The following MCTP1 variants were observed in gnomAD, a reference collection of about 807,000 sequenced individuals.
MCTP1 encodes the protein multiple C2 and transmembrane domain-containing protein 1.
In MCTP1, 69 loss-of-function variants were observed where a neutral mutation model predicts 120.6. The ratio of observed to expected loss-of-function variants is 0.57; its 90% confidence interval spans 0.47 to 0.70. The LOEUF (loss-of-function observed/expected upper bound fraction) is 0.70. Ranked by LOEUF, MCTP1 falls within the 30% of genes least tolerant of loss-of-function variation. The pLI is 0.00. For missense variants in MCTP1, 1,203 were observed against 1,248.8 expected (o/e 0.96, Z 0.55); for synonymous variants, 529 against 493.1 (o/e 1.07, Z -0.96).
At chr5:95,276,523 C>G (rs906419543) in intron 1 of MCTP1, among the ~76,000 whole-genome samples, 7 of 151,080 alleles carry the variant, frequency 4.6e-5, no homozygotes, top group African/African-American at 1.7e-4. Flanking sequence ...TCCCAAAGTG[C>G]TGGGATTACA....
At chr5:94,948,499 T>C (rs1274163381) in intron 3 of MCTP1, among the ~76,000 whole-genome samples, 3 of 152,206 alleles carry the variant, frequency 2.0e-5, no homozygotes, top group Non-Finnish European at 4.4e-5. Context: ...TCTTGATTCA[T>C]GCATTTAGGA....
chr5:95,216,280 G>C (rs1562246899), intron 1 of MCTP1, among the ~76,000 whole-genome samples: 1 of 152,128 alleles, frequency 6.6e-6, no homozygotes. Context: ...GCTTGTGCTG[G>C]CAGAATTGGA....
chr5:94,775,891 G>A (rs1775183166), intron 19 of MCTP1, among the ~76,000 whole-genome samples: 1 of 148,808 alleles, frequency 6.7e-6, no homozygotes, highest in Non-Finnish European at 1.5e-5. Flanking sequence ...ATAATGATTA[G>A]CTCTTTGAAT....
At chr5:95,167,859 T>C (rs1161747155) in intron 1 of MCTP1, among the ~76,000 whole-genome samples, 2 of 152,236 alleles carry the variant, frequency 1.3e-5, no homozygotes, top group African/African-American at 4.8e-5. Flanking sequence ...CTGTTCACTC[T>C]GATGGTAGTT....
chr5:95,142,460 G>A (rs1226280702), intron 1 of MCTP1, among the ~76,000 whole-genome samples: 2 of 152,112 alleles, frequency 1.3e-5, no homozygotes, highest in African/African-American at 2.4e-5. Context: ...TTTCAGTTTA[G>A]GCCCTATGTC....
chr5:95,151,281 G>A (rs1465347885), intron 1 of MCTP1, among the ~76,000 whole-genome samples: 1 of 151,222 alleles, frequency 6.6e-6, no homozygotes, highest in African/African-American at 2.4e-5. Context: ...ACCACACCCG[G>A]CCAGAAAATA....
intron 20 of MCTP1, among the ~76,000 whole-genome samples, chr5:94,711,239 A>G (rs1025253794): frequency 2.6e-5 from 4 of 152,162 alleles, no homozygotes; most frequent in Non-Finnish European, 4.4e-5. Context: ...TTATTTTTCT[A>G]CTGCTAAGAC....
intron 10 of MCTP1, among the ~76,000 whole-genome samples, chr5:94,905,133 C>T (rs1466619656): frequency 1.3e-5 from 2 of 151,854 alleles, no homozygotes; most frequent in Non-Finnish European, 2.9e-5. Context: ...TGAGTGGATC[C>T]CTGAAGAAAG....
intron 17 of MCTP1, among the ~76,000 whole-genome samples, chr5:94,864,036 G>GA (rs1000041958): frequency 2.6e-5 from 4 of 151,664 alleles, no homozygotes; most frequent in East Asian, 3.9e-4. Flanking sequence ...AAAGGACCCA[G>GA]AAAAAAACAA....
At chr5:95,058,026 A>C (rs1019431215) in intron 1 of MCTP1, among the ~76,000 whole-genome samples, 3 of 152,202 alleles carry the variant, frequency 2.0e-5, no homozygotes, top group Non-Finnish European at 2.9e-5. Context: ...ACAACAACAA[A>C]AAACCTAACC....
chr5:95,094,619 T>A (rs1210380761), intron 1 of MCTP1, among the ~76,000 whole-genome samples: 1 of 152,212 alleles, frequency 6.6e-6, no homozygotes, highest in Non-Finnish European at 1.5e-5. Flanking sequence ...CACCTTTGAC[T>A]AAGGAAATAT....
chr5:94,797,190 A>G (rs1044590477), intron 18 of MCTP1, among the ~76,000 whole-genome samples: 5 of 152,222 alleles, frequency 3.3e-5, no homozygotes, highest in African/African-American at 1.2e-4. Flanking sequence ...GTTTCCAACC[A>G]AGCCAGGTAT....
intron 20 of MCTP1, among the ~76,000 whole-genome samples, chr5:94,713,314 T>C (rs1268634939): frequency 6.6e-6 from 1 of 152,096 alleles, no homozygotes; most frequent in Non-Finnish European, 1.5e-5. Context: ...CATAGGAAGT[T>C]CTACAAAACC....
intron 2 of MCTP1, among the ~76,000 whole-genome samples, chr5:94,959,585 G>C (rs1021243045): frequency 6.6e-6 from 1 of 152,028 alleles, no homozygotes; most frequent in African/African-American, 2.4e-5. Context: ...AGGATACAAA[G>C]TCAATGTGCA....
intron 1 of MCTP1, among the ~76,000 whole-genome samples, chr5:95,069,677 C>G (rs1751611850): frequency 1.4e-5 from 2 of 147,886 alleles, no homozygotes; most frequent in Admixed American, 1.4e-4. Context: ...GCTTCAGACA[C>G]AAAAACAAAT....
At chr5:94,741,381 A>G (rs1468962771) in intron 19 of MCTP1, among the ~76,000 whole-genome samples, 1 of 152,226 alleles carries the variant, frequency 6.6e-6, no homozygotes, top group African/African-American at 2.4e-5. Context: ...TAGACTAAAC[A>G]ATGAGAGAAA....
intron 1 of MCTP1, among the ~76,000 whole-genome samples, chr5:95,246,282 T>C (rs1003070668): frequency 1.8e-4 from 27 of 152,106 alleles, no homozygotes; most frequent in Non-Finnish European, 3.7e-4. Context: ...ACAGGCAAAA[T>C]AACCAGCTAA....
chr5:95,284,107 G>C lies in MCTP1; in HGVS notation c.469C>G (p.Pro157Ala). ...PPGGRSPDSAPSSSSASSSLS... is the reference protein window; with the variant it reads ...PPGGRSPDSAASSSSASSSLS... Reference sequence around the variant, plus strand: ...GAGGATGAGGCGGAGGAAGAGGAAGGAGCTGAGTCGGGGGAGCGTCCGCCA... The same window carrying C: ...GAGGATGAGGCGGAGGAAGAGGAAGCAGCTGAGTCGGGGGAGCGTCCGCCA... The change falls in exon 1 of 23, where the codon CCT becomes GCT. Residue 157 changes from proline to alanine, a missense_variant. Transcript: ENST00000515393. The surrounding 1 kb of genome is among the most constrained non-coding windows in gnomAD (Gnocchi z 5.2). 1 of 1,551,484 alleles carries C rather than the reference G, an allele frequency of 6.4e-7. No homozygotes were observed.
Position 94,857,795 on chromosome 5 carries a change from A to G in MCTP1, c.2436+10538T>C, listed in dbSNP as rs966483218. On this transcript the variant is annotated intron_variant, in intron 17 of 22. Transcript: ENST00000515393. ...AAATGTATAGCAAACTATACCTCACATAATTTAAATAACAAAGTGGGCAAC... is the reference window on the plus strand; with the variant it reads ...AAATGTATAGCAAACTATACCTCACGTAATTTAAATAACAAAGTGGGCAAC... Among the ~76,000 whole-genome samples the G allele has an allele frequency of 5.3e-5, 8 of 151,870 alleles. 1 individual carries two copies. In the East Asian group the frequency reaches 1.6e-3, roughly 30 times the overall value.
Sources: gnomAD v4.1 joint callset for allele counts (sites outside exome capture counted in the v4.1 genomes callset) on GRCh38, gnomAD v4.1.1 for gene constraint, Gnocchi (gnomAD v3.1) non-coding constraint, MANE v1.5 for transcripts, NCBI Gene and HGNC (gene_info 2026-07-23, HGNC 2026-07-21) for gene names.